PPIL2: variants seen among roughly 807,000 people sequenced by gnomAD.
PPIL2 encodes RING-type E3 ubiquitin-protein ligase PPIL2.
In PPIL2, 50 loss-of-function variants were observed where a neutral mutation model predicts 75.2. The observed-to-expected ratio is 0.66, with a 90% CI of 0.53 to 0.84. The LOEUF (loss-of-function observed/expected upper bound fraction) is 0.84, where lower values mean the gene tolerates loss of function less well. Among genes scored for constraint, PPIL2 ranks in the 40% least tolerant of loss-of-function variants. The probability of loss-of-function intolerance (pLI) is 0.00; values close to 1 mark genes in which losing one functional copy is unlikely to be tolerated. For synonymous variants in PPIL2, 245 were observed against 258.8 expected, an observed-to-expected ratio of 0.95 and a Z score of 0.51; for missense variants, 590 against 685.0, an observed-to-expected ratio of 0.86 and a Z score of 1.55.
chr22:21,667,376 G>A (rs895967095), intron 1 of PPIL2, among the ~76,000 whole-genome samples: 4 of 151,796 alleles, frequency 2.6e-5, no homozygotes, highest in African/African-American at 7.3e-5. Context: ...GGCTGGTCTC[G>A]AACTCCTGAC....
chr22:21,674,240 C>G (rs2066745709), intron 5 of PPIL2, among the ~76,000 whole-genome samples: 1 of 152,208 alleles, frequency 6.6e-6, no homozygotes, highest in South Asian at 2.1e-4. Flanking sequence ...CTCCCCACAG[C>G]CCCGCCCCCA....
chr22:21,670,366 C>T (rs1232101321), intron 2 of PPIL2, 200 bp from the exon 3 acceptor site: 5 of 1,504,174 alleles, frequency 3.3e-6, no homozygotes, highest in Admixed American at 2.5e-5. Context: ...AAAAAGTATG[C>T]ACTTTTCCCA....
chr22:21,676,306 A>AT (rs200463191), intron 6 of PPIL2, among the ~76,000 whole-genome samples: 14 of 23,344 alleles, frequency 6.0e-4, no homozygotes, highest in Non-Finnish European at 1.2e-3. Flanking sequence ...TTATTTATTT[A>AT]TTTTGTGTGT....
chr22:21,690,118 C>T (rs544425557), intron 15 of PPIL2, among the ~76,000 whole-genome samples: 1 of 152,192 alleles, frequency 6.6e-6, no homozygotes, highest in South Asian at 2.1e-4. Flanking sequence ...CGTGGTGGCT[C>T]ACACCTGTAA....
In PPIL2 at chr22:21,687,550, C is replaced by CAAAAA. The variant is rs36108489; in HGVS notation, c.898-76_898-72dup. 40 of 306,498 alleles carry CAAAAA rather than the reference C, an allele frequency of 1.3e-4. 1 individual carries two copies. The highest frequency in any genetic ancestry group is 4.5e-4 in the East Asian group (5 of 11,080). The allele number at this position is 306,498 out of a possible 1,614,324, so 19.0% of individuals were successfully genotyped here. On this transcript the variant is annotated intron_variant, in intron 12 of 19. Coordinates refer to ENST00000398831, the MANE Select transcript of PPIL2 (RefSeq NM_014337.4). ...CCTGGGCAACAGCAAGACTCCACCT[C>CAAAAA]AAAAAAAAAAAAAAAAAAAAAGCCT...
Position 21,697,014 on chromosome 22 carries a change from C to A in PPIL2, c.*1524C>A, listed in dbSNP as rs919690770. 2 of 1,541,626 alleles carry A rather than the reference C, an allele frequency of 1.3e-6. No individual in the cohort carries two copies. The highest frequency in any genetic ancestry group is 8.8e-7 in the Non-Finnish European group (1 of 1,141,102). On this transcript the variant is annotated 3_prime_UTR_variant, in exon 20 of 20. Coordinates refer to ENST00000398831, the MANE Select transcript of PPIL2 (RefSeq NM_014337.4). ...TCCTTCTCTTCTCCAGCCCATCCCT[C>A]TGCAGCCTGTCATCCCTGTCTGTGA...
At chr22:21,681,463 T>C in intron 7 of PPIL2, 73 bp downstream of exon 7, 1 of 1,346,188 alleles carries the variant, frequency 7.4e-7, no homozygotes, top group Non-Finnish European at 1.1e-6. Context: ...ATACACTGGC[T>C]GGGCTGTGTG....
In PPIL2 at chr22:21,695,465, GT is replaced by G; in HGVS notation, c.1542del (p.Phe514LeufsTer43). On this transcript the variant is annotated frameshift_variant, in exon 20 of 20. Coordinates refer to ENST00000398831, the MANE Select transcript of PPIL2 (RefSeq NM_014337.4). LOFTEE classifies it high-confidence loss of function. ...VPMSKKKPSR[G>X]FGDFSSW Reference sequence around the variant, plus strand: ...ATGTCCAAGAAGAAGCCCAGTCGGGGTTTTGGGGACTTCAGCTCCTGGTAGC... The same window carrying G: ...ATGTCCAAGAAGAAGCCCAGTCGGGGTTTGGGGACTTCAGCTCCTGGTAGC... The G allele has an allele frequency of 6.2e-7, 1 of 1,605,226 alleles. No individual in the cohort carries two copies.
intron 15 of PPIL2, 131 bp from the exon 16 acceptor site, chr22:21,693,685 A>C: frequency 2.2e-6 from 2 of 925,982 alleles, no homozygotes; most frequent in South Asian, 2.8e-5. Flanking sequence ...AACCACGTGC[A>C]CACATGCGTC....
At chr22:21,682,002 C>G (rs937951543) in intron 7 of PPIL2, among the ~76,000 whole-genome samples, 1 of 152,244 alleles carries the variant, frequency 6.6e-6, no homozygotes, top group African/African-American at 2.4e-5. Flanking sequence ...GAAGCCTGCA[C>G]AAACTGGCAT....
intron 5 of PPIL2, chr22:21,673,655 C>T (rs2066721867): frequency 6.6e-6 from 1 of 152,260 alleles, no homozygotes; most frequent in African/African-American, 2.4e-5. Flanking sequence ...TGGGGTGAGT[C>T]TGCAGGAGCG....
intron 10 of PPIL2, 71 bp from the exon 11 acceptor site, chr22:21,686,412 G>T: frequency 6.8e-7 from 1 of 1,467,312 alleles, no homozygotes; most frequent in South Asian, 1.1e-5. Context: ...TTGGCTTCTA[G>T]GCAAGCGACA....
chr22:21,673,831 G>C (rs1276414282), intron 5 of PPIL2, among the ~76,000 whole-genome samples: 1 of 152,170 alleles, frequency 6.6e-6, no homozygotes, highest in African/African-American at 2.4e-5. Flanking sequence ...TGTGACTTTT[G>C]GGGGCTCAGG....
chr22:21,686,805 G>A (rs535746333), intron 11 of PPIL2, 87 bp from the exon 12 acceptor site: 45 of 1,326,858 alleles, frequency 3.4e-5, no homozygotes, highest in South Asian at 8.3e-5. Context: ...CCTAGTCCCC[G>A]CCTGTGTGTC....
Position 21,697,263 on chromosome 22 carries a change from G to T in PPIL2, c.*1773G>T. The T allele has an allele frequency of 2.3e-6, 1 of 439,398 alleles. No individual in the cohort carries two copies. The highest frequency in any genetic ancestry group is 4.2e-6 in the Non-Finnish European group (1 of 240,468). 27.2% of individuals were successfully genotyped at this position (439,398 alleles called of 1,614,324 possible). A position where few individuals can be genotyped will look rare whatever the true frequency, so the allele number is the denominator to read the frequency against. On this transcript the variant is annotated 3_prime_UTR_variant, in exon 20 of 20. Coordinates refer to ENST00000398831, the MANE Select transcript of PPIL2 (RefSeq NM_014337.4). ...GAGCCAGCGTCCAGGGTACAGGTGCGGGTGGTGGGGATGAAGGCCTGACCA... is the reference window on the plus strand; with the variant it reads ...GAGCCAGCGTCCAGGGTACAGGTGCTGGTGGTGGGGATGAAGGCCTGACCA...
At chr22:21,694,689 G>A (rs371054558) in intron 17 of PPIL2, 24 bp downstream of exon 17, 8 of 1,613,492 alleles carry the variant, frequency 5.0e-6, no homozygotes, top group African/African-American at 1.3e-5. Flanking sequence ...GAGGTGGGGC[G>A]TGGCGGCTGG....
chr22:21,679,728 C>T (rs1294234068), intron 6 of PPIL2, among the ~76,000 whole-genome samples: 1 of 151,906 alleles, frequency 6.6e-6, no homozygotes, highest in African/African-American at 2.4e-5. Context: ...TGAGCCACCT[C>T]TAACTTGAGG....
At position 21,697,202 on chromosome 22, in the gene PPIL2, G is replaced by GTGAC. The variant is rs2067971728; in HGVS notation, c.*1715_*1718dup. 1 of 584,754 alleles carries GTGAC rather than the reference G, an allele frequency of 1.7e-6. No individual in the cohort carries two copies. Among genetic ancestry groups the GTGAC allele is most frequent in the African/African-American group, 1.9e-5 (1 of 53,506 alleles). 36.2% of individuals were successfully genotyped at this position (584,754 alleles called of 1,614,324 possible). ...CAGAGGAGGGGCACAGTAGGACACA[G>GTGAC]TGACTGCCCAGGTGTCCACACACCT... is the stretch of plus-strand genomic sequence containing the variant. On this transcript the variant is annotated 3_prime_UTR_variant, in exon 20 of 20. Transcript: ENST00000398831.
Position 21,693,850 on chromosome 22 carries a change from A to G in PPIL2, c.1174A>G (p.Lys392Glu). Residue 392 changes from lysine to glutamate, a missense_variant, in exon 16 of 20, where the codon AAG (lysine) becomes GAG (glutamate). Physicochemically the swap from Lys to Glu is moderately conservative, Grantham distance 56. Coordinates refer to ENST00000398831, the MANE Select transcript of PPIL2 (RefSeq NM_014337.4). The stretch of plus-strand genomic sequence containing the variant: ...GTTTCGCTCCTGTGCCTACCTGGAC[A>G]AGAAGCATACCATCTTTGGACGGTA... Reference protein sequence around the residue: ...ITFRSCAYLDKKHTIFGRVVG... With the variant: ...ITFRSCAYLDEKHTIFGRVVG... 6.5e-7 allele frequency: 1 copy of G among 1,547,596 alleles called. No homozygotes were observed. The highest frequency in any genetic ancestry group is 8.9e-7 in the Non-Finnish European group (1 of 1,119,478).
Sources: gnomAD v4.1 joint callset for allele counts (sites outside exome capture counted in the v4.1 genomes callset) on GRCh38, gnomAD v4.1.1 for gene constraint, MANE v1.5 for transcripts, NCBI Gene and HGNC (gene_info 2026-07-23, HGNC 2026-07-21) for gene names.